Variants in OTUD5 observed in about 807,000 individuals in gnomAD.
OTUD5 encodes OTU deubiquitinase 5.
OTUD5 carries 2 observed loss-of-function variants against 36.3 expected under a neutral mutation model. That is an observed-to-expected ratio of 0.06 (90% confidence interval 0.02 to 0.17). The LOEUF (loss-of-function observed/expected upper bound fraction) is 0.17, where lower values mean the gene tolerates loss of function less well. Among genes scored for constraint, OTUD5 ranks in the 10% least tolerant of loss-of-function variants. The pLI, the probability that OTUD5 is intolerant of heterozygous loss-of-function variation, is 1.00. For missense variants in OTUD5, 233 were observed against 512.3 expected (o/e 0.45, Z 5.26); for synonymous variants, 234 against 214.9 (o/e 1.09, Z -0.78).
intron 1 of OTUD5, among the ~76,000 whole-genome samples, chrX:48,953,496 C>T (rs1323012037): frequency 1.8e-5 from 2 of 111,457 alleles, no homozygotes; most frequent in African/African-American, 6.5e-5. Context: ...TTTGCCTGGC[C>T]AGTGAGGAAA....
At chrX:48,929,986 A>C (rs2063727484) in intron 5 of OTUD5, among the ~76,000 whole-genome samples, 1 of 107,721 alleles carries the variant, frequency 9.3e-6, no homozygotes, top group African/African-American at 3.4e-5. Flanking sequence ...CACCTGTAGT[A>C]CCAGCTTCTC....
At chrX:48,941,027 C>T (rs782558174) in intron 2 of OTUD5, among the ~76,000 whole-genome samples, 2 of 111,350 alleles carry the variant, frequency 1.8e-5, no homozygotes, top group South Asian at 3.7e-4. Flanking sequence ...AACAGAGGGC[C>T]ACGTGCTCCT....
chrX:48,938,579 A>G (rs1557050412), intron 2 of OTUD5, among the ~76,000 whole-genome samples: 1 of 110,521 alleles, frequency 9.0e-6, no homozygotes, highest in Non-Finnish European at 1.9e-5. Flanking sequence ...CTGTAATCCC[A>G]GCTATTTGGG....
At chrX:48,954,084 G>C in intron 1 of OTUD5, among the ~76,000 whole-genome samples, 1 of 111,015 alleles carries the variant, frequency 9.0e-6, no homozygotes, top group Non-Finnish European at 1.9e-5. Context: ...CCTGTCATTG[G>C]GAAGGGCAGG....
chrX:48,925,507 G>A (rs1355895070), intron 6 of OTUD5, among the ~76,000 whole-genome samples: 2 of 111,124 alleles, frequency 1.8e-5, no homozygotes, highest in African/African-American at 6.6e-5. Flanking sequence ...AGACGAGATC[G>A]TTGAGGGCAG....
chrX:48,950,420 T>A (rs1274770859), intron 1 of OTUD5, among the ~76,000 whole-genome samples: 2 of 110,692 alleles, frequency 1.8e-5, no homozygotes, highest in Non-Finnish European at 3.8e-5. Context: ...AAGGTCTAAA[T>A]TCTCCCTGAG....
At chrX:48,939,979 C>T (rs2063894253) in intron 2 of OTUD5, 2 of 114,301 alleles carry the variant, frequency 1.7e-5, no homozygotes, top group African/African-American at 6.4e-5. Flanking sequence ...ACCACACTAA[C>T]GTGTGTACAC....
At chrX:48,931,733 C>T (rs781951394) in intron 5 of OTUD5, among the ~76,000 whole-genome samples, 2 of 102,260 alleles carry the variant, frequency 2.0e-5, no homozygotes, top group East Asian at 6.2e-4. Flanking sequence ...GAGCCGAGAT[C>T]GCCTCATTGC....
chrX:48,949,592 C>T lies in OTUD5; in HGVS notation c.595-5309G>A, dbSNP rs782359462. On this transcript the variant is annotated intron_variant, in intron 1 of 8. Coordinates refer to ENST00000376488, the MANE Select transcript of OTUD5 (RefSeq NM_001136157.2). ...ACTCAGGAGGCTGAGGCAGGAGAAT[C>T]GCTGGAACCTGGGAGGCGAAGGTTG... Among the ~76,000 whole-genome samples the T allele has an allele frequency of 2.7e-5, 3 of 110,715 alleles. No individual in the cohort carries two copies. The East Asian group carries it at 8.6e-4, about 32-fold the overall frequency.
At chrX:48,952,482 T>C (rs1485389613) in intron 1 of OTUD5, among the ~76,000 whole-genome samples, 1 of 112,453 alleles carries the variant, frequency 8.9e-6, no homozygotes, top group Non-Finnish European at 1.9e-5. Context: ...TTACATCTCA[T>C]TAAAGTTGTT....
At chrX:48,944,478 A>G (rs782285356) in intron 1 of OTUD5, among the ~76,000 whole-genome samples, 195 bp from the exon 2 acceptor site, 3 of 111,750 alleles carry the variant, frequency 2.7e-5, no homozygotes, top group Admixed American at 9.5e-5. Context: ...GAGTGAAACT[A>G]AGACTTACTT....
At chrX:48,947,214 AC>A (rs202013417) in intron 1 of OTUD5, among the ~76,000 whole-genome samples, 1,154 of 111,015 alleles carry the variant, frequency 0.01, 20 homozygotes, top group African/African-American at 0.036. Context: ...CCTTGTTTCT[AC>A]TAAAAAATAC....
chrX:48,949,448 C>T (rs1379181934), intron 1 of OTUD5, among the ~76,000 whole-genome samples: 1 of 111,371 alleles, frequency 9.0e-6, no homozygotes, highest in Non-Finnish European at 1.9e-5. Context: ...GAGGCCGAGG[C>T]GGGTGGATCA....
In OTUD5 at chrX:48,925,268, ACT is replaced by A. The variant is rs782762521; in HGVS notation, c.1263+577_1263+578del. On this transcript the variant is annotated intron_variant, in intron 6 of 8. Transcript: ENST00000376488. ...ACTCCAGCCTGGGCGACAGAGCAAGACTCTGTCTCCAAAAAAAAAAAAAAAAA... is the reference window on the plus strand; with the variant it reads ...ACTCCAGCCTGGGCGACAGAGCAAGACTGTCTCCAAAAAAAAAAAAAAAAA... 5.3e-3 allele frequency among the ~76,000 whole-genome samples: 360 copies of A among 67,357 alleles called. 1 individual carries two copies. The highest frequency in any genetic ancestry group is 0.016 in the Middle Eastern group (2 of 129). 58.5% of individuals were successfully genotyped at this position (67,357 alleles called of 115,157 possible).
intron 5 of OTUD5, among the ~76,000 whole-genome samples, chrX:48,928,278 C>T (rs782127936): frequency 2.1e-4 from 23 of 112,021 alleles, no homozygotes; most frequent in Admixed American, 1.9e-4. Context: ...ATGTATACAA[C>T]TGATCTAAAA....
chrX:48,930,477 T>C (rs781999819), intron 5 of OTUD5, among the ~76,000 whole-genome samples: 4 of 111,956 alleles, frequency 3.6e-5, no homozygotes, highest in Admixed American at 9.5e-5. Context: ...TTAATATAAA[T>C]ACAGATGGTT....
chrX:48,938,382 T>C (rs782243307), intron 2 of OTUD5, among the ~76,000 whole-genome samples: 3 of 111,574 alleles, frequency 2.7e-5, no homozygotes, highest in South Asian at 3.7e-4. Context: ...GCTAAACACA[T>C]AGGAAGTACT....
rs1473987240 is a variant in OTUD5 at position 48,933,392 on chromosome X, G to A, written c.1059+1072C>T. ...ATACATTAATCATAGCGAGGCATAT[G>A]GGAACTCTGTAATATATTTGTAACT... On this transcript the variant is annotated intron_variant, in intron 5 of 8. Transcript: ENST00000376488. 3.6e-4 allele frequency among the ~76,000 whole-genome samples: 38 copies of A among 104,219 alleles called. No homozygotes were observed. In the Admixed American group the frequency reaches 4.2e-3, roughly 12 times the overall value. The allele number at this position is 104,219 out of a possible 115,157, so 90.5% of individuals were successfully genotyped here. A position where few individuals can be genotyped will look rare whatever the true frequency, so the allele number is the denominator to read the frequency against.
At chrX:48,955,086 C>T (rs1557054843) in intron 1 of OTUD5, among the ~76,000 whole-genome samples, 1 of 111,776 alleles carries the variant, frequency 8.9e-6, no homozygotes, top group Non-Finnish European at 1.9e-5. Flanking sequence ...CTAAGGCAAA[C>T]GGTATCTTGT....
Sources: gnomAD v4.1 joint callset for allele counts (sites outside exome capture counted in the v4.1 genomes callset) on GRCh38, gnomAD v4.1.1 for gene constraint, MANE v1.5 for transcripts, NCBI Gene and HGNC (gene_info 2026-07-23, HGNC 2026-07-21) for gene names.